TENM2: variants seen among roughly 807,000 people sequenced by gnomAD.
TENM2 encodes the protein teneurin transmembrane protein 2, also known as teneurin-2.
In TENM2, 52 loss-of-function variants were observed where a neutral mutation model predicts 245.2. The observed-to-expected ratio is 0.21, with a 90% CI of 0.17 to 0.27. The LOEUF (loss-of-function observed/expected upper bound fraction) is 0.27. TENM2 is among the 10% of genes least tolerant of loss of function. The pLI, the probability that TENM2 is intolerant of heterozygous loss-of-function variation, is 1.00. For missense variants in TENM2, 3,046 were observed against 3,666.8 expected, an observed-to-expected ratio of 0.83 and a Z score of 4.37; for synonymous variants, 1,363 against 1,438.9, an observed-to-expected ratio of 0.95 and a Z score of 1.19.
At chr5:167,302,350 A>G (rs934318776) in intron 1 of TENM2, among the ~76,000 whole-genome samples, 3 of 151,934 alleles carry the variant, frequency 2.0e-5, no homozygotes, top group African/African-American at 7.3e-5. Flanking sequence ...AAGGGAGAAG[A>G]AGGAGGAATG....
chr5:167,141,722 T>C, the TENM2 span, among the ~76,000 whole-genome samples: 6 of 152,200 alleles, frequency 3.9e-5, no homozygotes, highest in African/African-American at 1.2e-4. Flanking sequence ...ATGCTAATAA[T>C]ATACTGGGTA....
At chr5:167,618,092 C>T (rs1174460684) in intron 2 of TENM2, among the ~76,000 whole-genome samples, 1 of 152,096 alleles carries the variant, frequency 6.6e-6, no homozygotes, top group Non-Finnish European at 1.5e-5. Context: ...TAATTACCTG[C>T]CCCTCAAATG....
chr5:167,462,248 A>G (rs1243699497), intron 2 of TENM2, among the ~76,000 whole-genome samples: 1 of 127,738 alleles, frequency 7.8e-6, no homozygotes, highest in Non-Finnish European at 1.6e-5. Flanking sequence ...TGTGCACTCA[A>G]ACCCCTTACA....
chr5:167,567,977 C>CCA (rs377721395), intron 2 of TENM2, among the ~76,000 whole-genome samples: 1 of 141,856 alleles, frequency 7.0e-6, no homozygotes, highest in African/African-American at 2.6e-5. Context: ...ATATATTGTA[C>CCA]AAAAAAAAAA....
At chr5:168,091,831 GCTCCAGCATTAAATCCAAGATTTT>G (rs1792972043) in intron 8 of TENM2, among the ~76,000 whole-genome samples, 1 of 152,136 alleles carries the variant, frequency 6.6e-6, no homozygotes, top group African/African-American at 2.4e-5. Context: ...AGACCTGGTA[GCTCCAGCATTAAATCCAAGATTTT>G]CTTCCCCACA....
At chr5:167,291,042 T>C (rs927595407) in intron 1 of TENM2, among the ~76,000 whole-genome samples, 4 of 152,212 alleles carry the variant, frequency 2.6e-5, no homozygotes, top group African/African-American at 9.6e-5. Context: ...TATTTTTTGA[T>C]AACTTTAGCC....
At chr5:167,431,384 C>T (rs1247135943) in intron 2 of TENM2, among the ~76,000 whole-genome samples, 2 of 151,944 alleles carry the variant, frequency 1.3e-5, no homozygotes, top group African/African-American at 2.4e-5. Context: ...AATGTTAAAG[C>T]TGGGACAAAA....
At chr5:167,443,391 C>T (rs1010752328) in intron 2 of TENM2, among the ~76,000 whole-genome samples, 3 of 152,150 alleles carry the variant, frequency 2.0e-5, no homozygotes, top group African/African-American at 7.2e-5. Flanking sequence ...TCTATGCTTT[C>T]TTGTCCCACA....
chr5:168,013,126 A>C, intron 5 of TENM2, among the ~76,000 whole-genome samples: 1 of 152,112 alleles, frequency 6.6e-6, no homozygotes, highest in Non-Finnish European at 1.5e-5. Context: ...ACACACATAC[A>C]CATCCCAGCA....
intron 2 of TENM2, among the ~76,000 whole-genome samples, chr5:167,549,343 G>A (rs1303211566): frequency 6.6e-6 from 1 of 152,058 alleles, no homozygotes; most frequent in Non-Finnish European, 1.5e-5. Context: ...AAAATAAAAT[G>A]TACTGGCTCC....
chr5:167,913,487 A>G (rs1276448574), intron 3 of TENM2, among the ~76,000 whole-genome samples: 1 of 152,206 alleles, frequency 6.6e-6, no homozygotes, highest in African/African-American at 2.4e-5. Context: ...GAAAAAAAGC[A>G]ACATGTTCCC....
At chr5:168,016,019 G>T (rs1039147656) in intron 5 of TENM2, among the ~76,000 whole-genome samples, 1 of 152,158 alleles carries the variant, frequency 6.6e-6, no homozygotes, top group Non-Finnish European at 1.5e-5. Flanking sequence ...CCCTCCTTCT[G>T]CACTGTTAAC....
rs575768173 is a variant in TENM2 at position 168,234,862 on chromosome 5, G to C, written c.5520+6732G>C. ...AGAACAAAAGAAAAATTGCTTCCAA[G>C]ATAATCTTCCATCATGATATTGGTA... On this transcript the variant is annotated intron_variant, in intron 25 of 28. Coordinates refer to ENST00000518659, the Ensembl canonical transcript of TENM2. Among the ~76,000 whole-genome samples the C allele has an allele frequency of 7.2e-5, 11 of 152,342 alleles. No individual in the cohort carries two copies. The South Asian group carries it at 1.2e-3, about 17-fold the overall frequency.
At chr5:167,897,905 T>G (rs1308107873) in intron 3 of TENM2, among the ~76,000 whole-genome samples, 2 of 150,252 alleles carry the variant, frequency 1.3e-5, no homozygotes, top group East Asian at 3.9e-4. Flanking sequence ...TTTTTTTTTT[T>G]TTTTTGCATC....
At chr5:167,959,647 G>T (rs1780847844) in intron 4 of TENM2, among the ~76,000 whole-genome samples, 1 of 152,106 alleles carries the variant, frequency 6.6e-6, no homozygotes, top group African/African-American at 2.4e-5. Flanking sequence ...GTCAGAACAT[G>T]CTCCTTTAGC....
chr5:167,341,117 C>T (rs1322444620), intron 1 of TENM2, among the ~76,000 whole-genome samples: 1 of 152,166 alleles, frequency 6.6e-6, no homozygotes, highest in African/African-American at 2.4e-5. Context: ...CTCTGCTGTT[C>T]CTGTTTGGGT....
chr5:167,666,543 A>T (rs1291734013), intron 2 of TENM2, among the ~76,000 whole-genome samples: 1 of 152,142 alleles, frequency 6.6e-6, no homozygotes, highest in Non-Finnish European at 1.5e-5. Flanking sequence ...AAAATTACTA[A>T]TATTAAATAT....
At chr5:167,679,218 T>C (rs1460687418) in intron 2 of TENM2, among the ~76,000 whole-genome samples, 1 of 152,158 alleles carries the variant, frequency 6.6e-6, no homozygotes, top group East Asian at 1.9e-4. Flanking sequence ...CATCTACTTA[T>C]ACAGTCTTCA....
chr5:167,161,976 G>A, the TENM2 span, among the ~76,000 whole-genome samples: 2 of 151,968 alleles, frequency 1.3e-5, no homozygotes, highest in African/African-American at 4.8e-5. Context: ...ACAACATCCT[G>A]GCCAACATGA....
Sources: gnomAD v4.1 joint callset for allele counts (sites outside exome capture counted in the v4.1 genomes callset) on GRCh38, gnomAD v4.1.1 for gene constraint, MANE v1.5 for transcripts, NCBI Gene and HGNC (gene_info 2026-07-23, HGNC 2026-07-21) for gene names.